Variants in UBE4B observed in about 807,000 individuals in gnomAD.
UBE4B encodes the protein ubiquitin conjugation factor E4 B.
UBE4B carries 27 observed loss-of-function variants against 148.1 expected under a neutral mutation model. The ratio of observed to expected loss-of-function variants is 0.18; its 90% CI spans 0.13 to 0.25. UBE4B has a LOEUF of 0.25. Ranked by LOEUF, UBE4B falls within the 10% of genes least tolerant of loss-of-function variation. The pLI is 1.00. For missense variants in UBE4B, 1,170 were observed against 1,662.4 expected, an observed-to-expected ratio of 0.70 and a Z score of 5.15; for synonymous variants, 596 against 619.3, an observed-to-expected ratio of 0.96 and a Z score of 0.56.
rs1192308235 is a variant in UBE4B, at chr1:10,106,900, G to A, written c.1196+317G>A. Among the ~76,000 whole-genome samples the A allele has an allele frequency of 2.0e-5, 3 of 152,116 alleles. No individual in the cohort carries two copies. The highest frequency in any genetic ancestry group is 7.2e-5 in the African/African-American group (3 of 41,412). ...GTTGAAATGCTATCAGACCAAGCAGGTGTGGGAGCAAATCTGGGCCTGGTG... is the reference window on the plus strand; with the variant it reads ...GTTGAAATGCTATCAGACCAAGCAGATGTGGGAGCAAATCTGGGCCTGGTG... On this transcript the variant is annotated intron_variant, in intron 7 of 27. Coordinates refer to ENST00000343090, the MANE Select transcript of UBE4B (RefSeq NM_001105562.3). This position sits in a 1 kb window ranked among gnomAD's most constrained non-coding sequence, Gnocchi z 4.2.
chr1:10,144,733 TAAAA>T (rs765648505), intron 17 of UBE4B, among the ~76,000 whole-genome samples: 2 of 136,054 alleles, frequency 1.5e-5, no homozygotes, highest in African/African-American at 5.5e-5. Flanking sequence ...GACTCTGTCT[TAAAA>T]AAAAAAAAAA....
At chr1:10,154,441 C>A (rs1051189171) in intron 21 of UBE4B, among the ~76,000 whole-genome samples, 12 of 152,030 alleles carry the variant, frequency 7.9e-5, no homozygotes, top group Admixed American at 1.3e-4. Flanking sequence ...TATACTCTGA[C>A]ATAAGAATTT....
At chr1:10,112,372 T>C (rs1044407049) in intron 7 of UBE4B, among the ~76,000 whole-genome samples, 1 of 152,238 alleles carries the variant, frequency 6.6e-6, no homozygotes, top group African/African-American at 2.4e-5. Flanking sequence ...AAATACTACT[T>C]TAAATATTTA....
intron 3 of UBE4B, among the ~76,000 whole-genome samples, chr1:10,096,002 C>T (rs962052729): frequency 6.6e-6 from 1 of 152,142 alleles, no homozygotes; most frequent in African/African-American, 2.4e-5. Context: ...AACTCCTGGC[C>T]TCAAGAGATC....
chr1:10,042,017 C>G (rs1643788829), intron 1 of UBE4B, among the ~76,000 whole-genome samples: 1 of 152,196 alleles, frequency 6.6e-6, no homozygotes, highest in Admixed American at 6.5e-5. Context: ...TCACTACAAC[C>G]TCTGACTCCT....
Position 10,137,072 on chromosome 1 carries a change from G to A in UBE4B, c.2230G>A (p.Asp744Asn). 1.2e-6 allele frequency: 2 copies of A among 1,614,024 alleles called. No homozygotes were observed. The highest frequency in any genetic ancestry group is 1.7e-6 in the Non-Finnish European group (2 of 1,179,982). The change falls in exon 17 of 28, where the codon GAT becomes AAT. Residue 744 changes from aspartate to asparagine, a missense_variant. Coordinates refer to ENST00000343090, the MANE Select transcript of UBE4B (RefSeq NM_001105562.3). ...VNDWLTELYG[D>N]QPPFSEPKFP... Reference sequence around the variant, plus strand: ...AATGATGTTATTTTTCCTAGATGGCGATCAGCCTCCATTTTCTGAGCCGAA... The same window carrying A: ...AATGATGTTATTTTTCCTAGATGGCAATCAGCCTCCATTTTCTGAGCCGAA...
chr1:10,167,625 ACT>A (rs1225613029), intron 23 of UBE4B, among the ~76,000 whole-genome samples: 1 of 118,082 alleles, frequency 8.5e-6, no homozygotes, highest in Admixed American at 1.1e-4. Context: ...ACGGAGTCTC[ACT>A]CTGTCACTAG....
chr1:10,147,425 G>A (rs1446085448), intron 19 of UBE4B, among the ~76,000 whole-genome samples: 4 of 152,060 alleles, frequency 2.6e-5, no homozygotes, highest in African/African-American at 7.2e-5. Flanking sequence ...CCCGGGAGGC[G>A]GAGGTTGCAT....
intron 2 of UBE4B, among the ~76,000 whole-genome samples, chr1:10,082,787 C>G (rs988117528): frequency 6.6e-6 from 1 of 151,826 alleles, no homozygotes; most frequent in South Asian, 2.1e-4. Context: ...AGGTATTTGT[C>G]CTAATGCTCT....
intron 2 of UBE4B, chr1:10,072,762 AATG>A: frequency 2.9e-6 from 1 of 348,612 alleles, no homozygotes; most frequent in Non-Finnish European, 5.1e-6. Context: ...TTTGTTGGGA[AATG>A]ATATTTCTCA....
At chr1:10,173,214 C>G (rs746499957) in intron 25 of UBE4B, among the ~76,000 whole-genome samples, 1 of 152,144 alleles carries the variant, frequency 6.6e-6, no homozygotes, top group Non-Finnish European at 1.5e-5. Context: ...CGCGGTGGCT[C>G]ATGCCTGTAA....
intron 1 of UBE4B, among the ~76,000 whole-genome samples, chr1:10,061,159 G>A (rs548989321): frequency 6.6e-6 from 1 of 152,196 alleles, no homozygotes; most frequent in African/African-American, 2.4e-5. Context: ...TGTAGAATTT[G>A]TAGTACTGGA....
intron 1 of UBE4B, among the ~76,000 whole-genome samples, chr1:10,053,519 A>G (rs1484928682): frequency 1.3e-5 from 2 of 151,988 alleles, no homozygotes; most frequent in African/African-American, 4.8e-5. Flanking sequence ...CAGTGGCACA[A>G]TCAAGTTCTG....
intron 7 of UBE4B, chr1:10,107,301 G>A: frequency 1.6e-6 from 2 of 1,289,692 alleles, no homozygotes; most frequent in Non-Finnish European, 2.0e-6. Flanking sequence ...AGAAGAAGAT[G>A]ATGATGATGG....
At chr1:10,151,019 C>T (rs1298656273) in intron 20 of UBE4B, among the ~76,000 whole-genome samples, 6 of 145,508 alleles carry the variant, frequency 4.1e-5, no homozygotes, top group Non-Finnish European at 4.5e-5. Context: ...AAAAATTAGC[C>T]GGGCATGGTG....
chr1:10,157,354 C>T (rs1646090173), intron 21 of UBE4B, among the ~76,000 whole-genome samples: 1 of 151,988 alleles, frequency 6.6e-6, no homozygotes, highest in Admixed American at 6.6e-5. Flanking sequence ...GGATACACCT[C>T]CAGTCCCAGC....
At chr1:10,129,602 T>A (rs1645558375) in intron 12 of UBE4B, among the ~76,000 whole-genome samples, 154 bp downstream of exon 12, 1 of 152,182 alleles carries the variant, frequency 6.6e-6, no homozygotes. Context: ...CTGTTACATT[T>A]TTGTTAGACA....
chr1:10,134,424 A>G (rs1645644363), intron 15 of UBE4B, among the ~76,000 whole-genome samples: 1 of 152,264 alleles, frequency 6.6e-6, no homozygotes, highest in Admixed American at 6.5e-5. Flanking sequence ...AGGCAAGAGA[A>G]TCACTTGAAC....
chr1:10,067,224 A>AT (rs1372668065), intron 1 of UBE4B, among the ~76,000 whole-genome samples: 1 of 152,172 alleles, frequency 6.6e-6, no homozygotes, highest in Non-Finnish European at 1.5e-5. Context: ...GTGCTGCGTC[A>AT]TATAACAGAT....
Sources: allele counts gnomAD v4.1 joint callset (sites outside exome capture counted in the v4.1 genomes callset), GRCh38; gene constraint gnomAD v4.1.1; non-coding constraint Gnocchi (gnomAD v3.1); transcripts MANE v1.5; gene names NCBI Gene and HGNC (gene_info 2026-07-23, HGNC 2026-07-21).